The following PLA2G4A variants were observed in gnomAD, a reference collection of about 807,000 sequenced individuals.
PLA2G4A encodes cytosolic phospholipase A2.
PLA2G4A carries 40 observed loss-of-function variants against 81.9 expected under a neutral mutation model. That is an observed-to-expected ratio of 0.49 (90% CI 0.38 to 0.64). PLA2G4A has a LOEUF of 0.64. Ranked by LOEUF, PLA2G4A falls within the 30% of genes least tolerant of loss-of-function variation. The probability of loss-of-function intolerance (pLI) is 0.00; values close to 1 mark genes in which losing one functional copy is unlikely to be tolerated. For synonymous variants in PLA2G4A, 302 were observed against 296.9 expected (o/e 1.02, Z -0.18); for missense variants, 715 against 905.1 (o/e 0.79, Z 2.69).
chr1:186,882,950 A>G (rs958010550), intron 3 of PLA2G4A, among the ~76,000 whole-genome samples: 2 of 152,116 alleles, frequency 1.3e-5, no homozygotes, highest in Non-Finnish European at 2.9e-5. Flanking sequence ...ATCATTAAAT[A>G]AAATAGGAAA....
At position 186,870,455 on chromosome 1, in the gene PLA2G4A, C is replaced by G; in HGVS notation, c.54C>G (p.His18Gln). 4 of 1,607,770 alleles carry G rather than the reference C, an allele frequency of 2.5e-6. No homozygotes were observed. The highest frequency in any genetic ancestry group is 3.4e-6 in the Non-Finnish European group (4 of 1,174,266). Residue 18 changes from histidine to glutamine, a missense_variant, in exon 3 of 18, where the codon CAC (histidine) becomes CAG (glutamine). Transcript: ENST00000367466. ...TCCAGGTGGAGCACCAGTATTCCCA[C>G]AAGTTTACGGTAGTGGTGTTACGTG... is the stretch of plus-strand genomic sequence containing the variant. Reference protein sequence around the residue: ...QHIIVEHQYSHKFTVVVLRAT... With the variant: ...QHIIVEHQYSQKFTVVVLRAT...
At chr1:186,879,375 T>C (rs1653641531) in intron 3 of PLA2G4A, among the ~76,000 whole-genome samples, 1 of 152,158 alleles carries the variant, frequency 6.6e-6, no homozygotes, top group East Asian at 1.9e-4. Flanking sequence ...TTGCTGAGTA[T>C]GTGCTATGTA....
intron 8 of PLA2G4A, 87 bp from the exon 9 acceptor site, chr1:186,938,921 C>T: frequency 1.3e-6 from 1 of 775,048 alleles, no homozygotes; most frequent in Non-Finnish European, 2.3e-6. Context: ...GTCCACCATG[C>T]TTTATTTACA....
chr1:186,951,434 TAAA>T (rs1249478497), intron 13 of PLA2G4A, among the ~76,000 whole-genome samples: 29 of 107,890 alleles, frequency 2.7e-4, no homozygotes, highest in African/African-American at 9.7e-4. Context: ...CAGCCATTTA[TAAA>T]AATGTTCCCA....
intron 2 of PLA2G4A, among the ~76,000 whole-genome samples, chr1:186,863,513 T>C (rs1035915002): frequency 3.9e-5 from 6 of 152,162 alleles, no homozygotes; most frequent in African/African-American, 1.2e-4. Context: ...AAATCTTCTC[T>C]TCTATTTTGA....
intron 1 of PLA2G4A, among the ~76,000 whole-genome samples, chr1:186,840,324 T>G (rs777696684): frequency 6.6e-6 from 1 of 152,190 alleles, no homozygotes; most frequent in Non-Finnish European, 1.5e-5. Flanking sequence ...TTCTTAATCC[T>G]GCAAAAGACT....
At chr1:186,894,280 G>A in intron 5 of PLA2G4A, 69 bp downstream of exon 5, 1 of 761,542 alleles carries the variant, frequency 1.3e-6, no homozygotes, top group Admixed American at 1.8e-5. Flanking sequence ...GGGAAGTTGG[G>A]TTTAACACTT....
In PLA2G4A at chr1:186,829,047, A is replaced by G. The variant is rs2101986480; in HGVS notation, c.-70+12A>G. 1 of 152,308 alleles carries G rather than the reference A, an allele frequency of 6.6e-6. No individual in the cohort carries two copies. Among genetic ancestry groups the G allele is most frequent in the African/African-American group, 2.4e-5 (1 of 41,560 alleles). The allele number at this position is 152,308 out of a possible 1,614,324, so 9.4% of individuals were successfully genotyped here. ...CTGAAGATTCTCAGGTAACTCTGGG[A>G]ACTGTAAGCAATATATTTATTCTTC... On this transcript the variant is annotated intron_variant, in intron 1 of 17. Transcript: ENST00000367466.
chr1:186,973,038 C>T (rs557222917), intron 15 of PLA2G4A, among the ~76,000 whole-genome samples: 2 of 152,302 alleles, frequency 1.3e-5, no homozygotes, highest in South Asian at 4.2e-4. Flanking sequence ...TCCACAATGG[C>T]TGGTGAAGGA....
chr1:186,833,675 T>G (rs1651677466), intron 1 of PLA2G4A, among the ~76,000 whole-genome samples: 1 of 152,242 alleles, frequency 6.6e-6, no homozygotes, highest in Admixed American at 6.5e-5. Flanking sequence ...CTAAGTTTTT[T>G]GATTCTTTTT....
chr1:186,837,428 C>T (rs1389287816), intron 1 of PLA2G4A, among the ~76,000 whole-genome samples: 1 of 151,826 alleles, frequency 6.6e-6, no homozygotes, highest in Non-Finnish European at 1.5e-5. Context: ...ATTAGATTAT[C>T]CAGTTGAAAG....
intron 7 of PLA2G4A, 119 bp downstream of exon 7, chr1:186,911,508 T>C: frequency 1.2e-6 from 1 of 802,930 alleles, no homozygotes; most frequent in East Asian, 2.6e-5. Flanking sequence ...CCTTTAGTTT[T>C]TTAAGGTAAG....
At chr1:186,881,864 T>C (rs979212614) in intron 3 of PLA2G4A, among the ~76,000 whole-genome samples, 2 of 152,062 alleles carry the variant, frequency 1.3e-5, no homozygotes, top group South Asian at 4.1e-4. Flanking sequence ...CATCATCCTT[T>C]CTTTTAGTAA....
chr1:186,847,727 A>T (rs953466647), intron 1 of PLA2G4A, among the ~76,000 whole-genome samples: 30 of 152,098 alleles, frequency 2.0e-4, no homozygotes, highest in African/African-American at 7.0e-4. Context: ...TTTGGAGAGC[A>T]CTGCTGTGAG....
intron 7 of PLA2G4A, among the ~76,000 whole-genome samples, chr1:186,917,786 C>A (rs979941370): frequency 1.3e-5 from 2 of 152,226 alleles, no homozygotes; most frequent in African/African-American, 4.8e-5. Context: ...TTTGGCATTT[C>A]TGTGAAATCC....
chr1:186,885,834 G>A (rs1323795538), intron 3 of PLA2G4A, among the ~76,000 whole-genome samples: 1 of 151,986 alleles, frequency 6.6e-6, no homozygotes, highest in Non-Finnish European at 1.5e-5. Flanking sequence ...TGAAAAATAA[G>A]TCTATAGAAA....
chr1:186,940,120 C>T, intron 10 of PLA2G4A, 26 bp downstream of exon 10: 1 of 1,213,476 alleles, frequency 8.2e-7, no homozygotes, highest in Non-Finnish European at 1.2e-6. Context: ...TCTCAGAACA[C>T]TTCCTGGAAC....
intron 12 of PLA2G4A, among the ~76,000 whole-genome samples, 171 bp from the exon 13 acceptor site, chr1:186,950,486 G>A (rs987344813): frequency 3.9e-5 from 6 of 152,070 alleles, no homozygotes; most frequent in Admixed American, 6.6e-5. Context: ...TGAGAAATCT[G>A]AGAACATGAT....
chr1:186,879,325 G>A (rs567535075), intron 3 of PLA2G4A, among the ~76,000 whole-genome samples: 2 of 152,068 alleles, frequency 1.3e-5, no homozygotes, highest in African/African-American at 4.8e-5. Context: ...ATAACCCAGT[G>A]CGTATTCCAG....
Sources: gnomAD v4.1 joint callset for allele counts (sites outside exome capture counted in the v4.1 genomes callset) on GRCh38, gnomAD v4.1.1 for gene constraint, MANE v1.5 for transcripts, NCBI Gene and HGNC (gene_info 2026-07-23, HGNC 2026-07-21) for gene names.